Variants in SNX29 observed in about 807,000 individuals in gnomAD.
The protein encoded by SNX29 is sorting nexin 29.
In SNX29, 78 loss-of-function variants were observed where a neutral mutation model predicts 102.1. That is an observed-to-expected ratio of 0.76 (90% CI 0.64 to 0.92). The LOEUF is 0.92. Ranked by LOEUF, SNX29 falls within the 40% of genes least tolerant of loss-of-function variation. SNX29 has a pLI of 0.00. For synonymous variants in SNX29, 580 were observed against 414.5 expected (o/e 1.40, Z -4.85); for missense variants, 1,280 against 1,061.7 (o/e 1.21, Z -2.86).
At chr16:12,135,750 G>A (rs192969384) in intron 13 of SNX29, 31 of 562,288 alleles carry the variant, frequency 5.5e-5, no homozygotes, top group Middle Eastern at 6.1e-4. Context: ...CATTTGTGGT[G>A]GTTTTTCTCC....
chr16:12,347,683 C>G (rs976158616), intron 15 of SNX29, among the ~76,000 whole-genome samples: 2 of 152,176 alleles, frequency 1.3e-5, no homozygotes, highest in Non-Finnish European at 2.9e-5. Context: ...CTGTCCACAT[C>G]ATGGCAGGTA....
At chr16:12,071,305 C>T (rs1454792948) in intron 10 of SNX29, among the ~76,000 whole-genome samples, 7 of 152,146 alleles carry the variant, frequency 4.6e-5, no homozygotes, top group African/African-American at 1.7e-4. Flanking sequence ...GGTTTTAGGT[C>T]TAACATGTAA....
chr16:12,351,527 G>A (rs1027627013), intron 15 of SNX29, among the ~76,000 whole-genome samples: 5 of 152,200 alleles, frequency 3.3e-5, no homozygotes, highest in Non-Finnish European at 7.3e-5. Flanking sequence ...TGATTTACTT[G>A]AATGTGATTA....
intron 20 of SNX29, chr16:12,561,027 T>G (rs1177757725): frequency 9.0e-6 from 2 of 221,198 alleles, no homozygotes; most frequent in African/African-American, 2.2e-5. Flanking sequence ...GTGGAAGTCT[T>G]GGAGACCCAT....
intron 20 of SNX29, among the ~76,000 whole-genome samples, chr16:12,541,012 G>A (rs533741237): frequency 6.6e-6 from 1 of 152,266 alleles, no homozygotes; most frequent in African/African-American, 2.4e-5. Context: ...CGGGTTTCCT[G>A]GGACAGCAAC....
At chr16:12,531,520 T>TGCA (rs754770874) in intron 20 of SNX29, among the ~76,000 whole-genome samples, 1 of 152,142 alleles carries the variant, frequency 6.6e-6, no homozygotes, top group Non-Finnish European at 1.5e-5. Flanking sequence ...GTCTCAGGTG[T>TGCA]GCAGCACCAT....
At chr16:12,268,387 C>T (rs908619006) in intron 14 of SNX29, among the ~76,000 whole-genome samples, 2 of 152,176 alleles carry the variant, frequency 1.3e-5, no homozygotes, top group East Asian at 3.8e-4. Flanking sequence ...CCCTGCTAAG[C>T]GGTAGAGCCA....
At chr16:12,552,394 G>A (rs191190358) in intron 20 of SNX29, among the ~76,000 whole-genome samples, 52 of 152,348 alleles carry the variant, frequency 3.4e-4, no homozygotes, top group Admixed American at 6.5e-4. Context: ...GGTACCTGGC[G>A]CAGAGCAGTG....
intron 11 of SNX29, among the ~76,000 whole-genome samples, chr16:12,101,885 T>C (rs1327753197): frequency 1.3e-5 from 2 of 152,158 alleles, no homozygotes; most frequent in Non-Finnish European, 2.9e-5. Context: ...TCATCTACAT[T>C]AGGTATTTCT....
At chr16:12,411,962 G>A (rs1009174978) in intron 18 of SNX29, among the ~76,000 whole-genome samples, 7 of 152,160 alleles carry the variant, frequency 4.6e-5, no homozygotes, top group Non-Finnish European at 5.9e-5. Context: ...GCATGTCCCC[G>A]TGTTCAAAAA....
intron 7 of SNX29, among the ~76,000 whole-genome samples, chr16:12,049,048 G>T (rs1289518574): frequency 6.6e-6 from 1 of 152,172 alleles, no homozygotes; most frequent in Non-Finnish European, 1.5e-5. Context: ...TATAATTTAT[G>T]ATCCTTAGGA....
intron 11 of SNX29, among the ~76,000 whole-genome samples, chr16:12,109,134 A>AG (rs2053395322): frequency 2.7e-5 from 4 of 146,830 alleles, no homozygotes; most frequent in Admixed American, 1.3e-4. Flanking sequence ...TCTCAAAAAA[A>AG]AAAAAAAAAA....
At chr16:12,307,896 A>G (rs1052329507) in intron 15 of SNX29, among the ~76,000 whole-genome samples, 2 of 152,176 alleles carry the variant, frequency 1.3e-5, no homozygotes, top group African/African-American at 4.8e-5. Context: ...CTGGCCCACC[A>G]AGAGATGGGA....
Position 11,984,719 on chromosome 16 carries a change from C to G in SNX29, c.7+7906C>G, listed in dbSNP as rs140113686. 3.3e-5 allele frequency among the ~76,000 whole-genome samples: 5 copies of G among 152,108 alleles called. No individual in the cohort carries two copies. In the East Asian group the frequency reaches 9.7e-4, roughly 29 times the overall value. ...CCCAGGCTGGAATGCAGTGGTGATACAATTATAGCTCACTGCAGCCTTGAT... is the reference window on the plus strand; with the variant it reads ...CCCAGGCTGGAATGCAGTGGTGATAGAATTATAGCTCACTGCAGCCTTGAT... On this transcript the variant is annotated intron_variant, in intron 1 of 20. Transcript: ENST00000566228.
At chr16:12,317,698 G>T (rs2080795691) in intron 15 of SNX29, among the ~76,000 whole-genome samples, 1 of 152,168 alleles carries the variant, frequency 6.6e-6, no homozygotes, top group African/African-American at 2.4e-5. Flanking sequence ...ACCGTCTTGT[G>T]CCTAGTGGCC....
At chr16:12,016,251 G>A (rs910575451) in intron 3 of SNX29, among the ~76,000 whole-genome samples, 3 of 152,272 alleles carry the variant, frequency 2.0e-5, no homozygotes, top group South Asian at 4.1e-4. Flanking sequence ...CTTTGTTTCT[G>A]ATTTTTACTA....
Position 12,063,366 on chromosome 16 carries a change from C to CTTTTTTTTTTTTTTTTTTTT in SNX29, c.1243+1727_1243+1746dup, listed in dbSNP as rs369015533. On this transcript the variant is annotated intron_variant, in intron 9 of 20. Transcript: ENST00000566228. ...CCCACCTCTTCTTTTCCTAGTCCAT[C>CTTTTTTTTTTTTTTTTTTTT]TTTTTTTTTTTTTTTTTTTTTTTTT... Among the ~76,000 whole-genome samples, 85 of 55,396 alleles carry CTTTTTTTTTTTTTTTTTTTT rather than the reference C, an allele frequency of 1.5e-3. 21 individuals carry two copies. The highest frequency in any genetic ancestry group is 1.9e-3 in the African/African-American group (27 of 13,918). 36.3% of individuals were successfully genotyped at this position (55,396 alleles called of 152,430 possible).
intron 13 of SNX29, among the ~76,000 whole-genome samples, chr16:12,179,642 G>A (rs1346337606): frequency 6.6e-6 from 1 of 152,166 alleles, no homozygotes; most frequent in Admixed American, 6.5e-5. Flanking sequence ...CTTTCCACCA[G>A]TTCTCTGTTG....
At chr16:12,510,762 G>A (rs903827405) in intron 19 of SNX29, among the ~76,000 whole-genome samples, 3 of 151,898 alleles carry the variant, frequency 2.0e-5, no homozygotes, top group East Asian at 1.9e-4. Flanking sequence ...TGCAGTTTGC[G>A]TTGGCTGCAA....
Sources: allele counts gnomAD v4.1 joint callset (sites outside exome capture counted in the v4.1 genomes callset), GRCh38; gene constraint gnomAD v4.1.1; transcripts MANE v1.5; gene names NCBI Gene and HGNC (gene_info 2026-07-23, HGNC 2026-07-21).